Variants in PUM1 observed in about 807,000 individuals in gnomAD.
The protein encoded by PUM1 is pumilio homolog 1.
A neutral mutation model predicts 131.8 loss-of-function variants in PUM1; 13 were observed. That is an observed-to-expected ratio of 0.10 (90% confidence interval 0.06 to 0.16). PUM1 has a LOEUF of 0.16. PUM1 is among the 10% of genes least tolerant of loss of function. PUM1 has a pLI of 1.00. For missense variants in PUM1, 961 were observed against 1,512.4 expected, an observed-to-expected ratio of 0.64 and a Z score of 6.05; for synonymous variants, 509 against 556.5, an observed-to-expected ratio of 0.91 and a Z score of 1.20.
intron 7 of PUM1, among the ~76,000 whole-genome samples, chr1:30,991,273 G>A (rs1437803439): frequency 6.6e-6 from 1 of 152,028 alleles, no homozygotes; most frequent in Non-Finnish European, 1.5e-5. Context: ...GGAGAAGAGT[G>A]TACACTTTCA....
chr1:30,938,657 G>A (rs1184977265), intron 20 of PUM1, among the ~76,000 whole-genome samples: 2 of 152,198 alleles, frequency 1.3e-5, no homozygotes, highest in African/African-American at 4.8e-5. Context: ...GAGGTCAGGA[G>A]ATCGAGACCA....
chr1:30,985,407 T>C (rs1641511718), intron 7 of PUM1, among the ~76,000 whole-genome samples: 1 of 152,034 alleles, frequency 6.6e-6, no homozygotes, highest in South Asian at 2.1e-4. Context: ...AATGCTAGCA[T>C]TCTGGGAGGC....
At position 31,059,285 on chromosome 1, in the gene PUM1, C is replaced by T; in HGVS notation, c.282G>A (p.Gly94=). 6.2e-7 allele frequency: 1 copy of T among 1,614,150 alleles called. No individual in the cohort carries two copies. The highest frequency in any genetic ancestry group is 8.5e-7 in the Non-Finnish European group (1 of 1,180,022). ...AGCCGCCTCCTCCACTTCCTCCTCC[C>T]CCAAGCTGCTCACCATGCTGCCTCT... is the stretch of plus-strand genomic sequence containing the variant. ...FFQRQHGEQL[G]GGGSGGGGYN... Residue 94 remains glycine (G), a synonymous_variant, in exon 2 of 22, where the codon GGG becomes GGA. Transcript: ENST00000426105.
chr1:30,959,014 T>C (rs1013309355), intron 14 of PUM1, among the ~76,000 whole-genome samples: 6 of 152,140 alleles, frequency 3.9e-5, no homozygotes, highest in Non-Finnish European at 8.8e-5. Context: ...CTAACAAATT[T>C]GGCATTTTAG....
intron 2 of PUM1, among the ~76,000 whole-genome samples, chr1:31,051,286 T>C (rs1644103439): frequency 6.6e-6 from 1 of 151,306 alleles, no homozygotes. Flanking sequence ...GGAGTCAAAA[T>C]ATATTCATCC....
intron 16 of PUM1, among the ~76,000 whole-genome samples, chr1:30,950,526 C>G (rs188802331): frequency 7.4e-4 from 113 of 152,342 alleles, no homozygotes; most frequent in African/African-American, 2.6e-3. Flanking sequence ...ATCTGCTAAG[C>G]AAACACATAA....
intron 14 of PUM1, among the ~76,000 whole-genome samples, chr1:30,954,827 T>C (rs1422311765): frequency 6.6e-6 from 1 of 151,592 alleles, no homozygotes; most frequent in Non-Finnish European, 1.5e-5. Flanking sequence ...CTTTGGGAAG[T>C]CGAAGCAGGA....
At chr1:31,045,899 T>A (rs926623017) in intron 2 of PUM1, among the ~76,000 whole-genome samples, 1 of 151,976 alleles carries the variant, frequency 6.6e-6, no homozygotes, top group African/African-American at 2.4e-5. Flanking sequence ...CTGGTCAACA[T>A]GGCGAAACCC....
chr1:31,057,655 G>A (rs912171635), intron 2 of PUM1, among the ~76,000 whole-genome samples: 1 of 150,180 alleles, frequency 6.7e-6, no homozygotes, highest in Non-Finnish European at 1.5e-5. Flanking sequence ...AACCTGGGAG[G>A]GGGAGGTTGC....
intron 17 of PUM1, among the ~76,000 whole-genome samples, chr1:30,947,093 C>G (rs2124401939): frequency 6.6e-6 from 1 of 152,258 alleles, no homozygotes; most frequent in African/African-American, 2.4e-5. Flanking sequence ...GTGGACACCA[C>G]CATAGATGGA....
At chr1:30,997,495 CT>C (rs9286937) in intron 5 of PUM1, among the ~76,000 whole-genome samples, 2,126 of 129,772 alleles carry the variant, frequency 0.016, 50 homozygotes, top group African/African-American at 0.045. Context: ...TGAAACTCGT[CT>C]TTTTTTTTTT....
intron 2 of PUM1, among the ~76,000 whole-genome samples, chr1:31,044,303 A>G (rs958515548): frequency 6.6e-6 from 1 of 152,172 alleles, no homozygotes; most frequent in African/African-American, 2.4e-5. Context: ...CGGGAGGCTG[A>G]GGCAAGAGAA....
intron 2 of PUM1, among the ~76,000 whole-genome samples, chr1:31,048,963 T>C (rs1318625970): frequency 6.6e-6 from 1 of 152,062 alleles, no homozygotes; most frequent in Non-Finnish European, 1.5e-5. Context: ...CCTAGTACTT[T>C]GGGAGGCTGA....
chr1:30,994,395 G>C (rs1460147319), intron 6 of PUM1, among the ~76,000 whole-genome samples: 1 of 152,078 alleles, frequency 6.6e-6, no homozygotes, highest in Non-Finnish European at 1.5e-5. Flanking sequence ...GATTTTTCAA[G>C]AATATGTGCC....
intron 2 of PUM1, among the ~76,000 whole-genome samples, chr1:31,058,327 T>TA (rs1385311432): frequency 2.0e-5 from 3 of 151,750 alleles, no homozygotes; most frequent in Non-Finnish European, 2.9e-5. Context: ...ATGTCAACAG[T>TA]AAAAAAAAGA....
At chr1:31,033,112 G>A (rs1643489575) in intron 2 of PUM1, among the ~76,000 whole-genome samples, 1 of 152,014 alleles carries the variant, frequency 6.6e-6, no homozygotes, top group African/African-American at 2.4e-5. Context: ...GAAATAAAAG[G>A]TGGAAATCTA....
chr1:30,980,921 T>G (rs1265981488), intron 8 of PUM1, among the ~76,000 whole-genome samples: 2 of 152,236 alleles, frequency 1.3e-5, no homozygotes, highest in African/African-American at 4.8e-5. Context: ...GCATACTTAC[T>G]GGAAAATGGA....
At position 30,949,241 on chromosome 1, in the gene PUM1, G is replaced by A. The variant is rs1184706574; in HGVS notation, c.2856+886C>T. 1.8e-5 allele frequency: 7 copies of A among 381,162 alleles called. No homozygotes were observed. In the East Asian group the frequency reaches 5.1e-4, roughly 28 times the overall value. 23.6% of individuals were successfully genotyped at this position (381,162 alleles called of 1,614,324 possible). ...ACCCCTCAATTGAGAAGGGCTCAGTGAGTTCAGAGCCCAAAAGCTGCAGGC... is the reference window on the plus strand; with the variant it reads ...ACCCCTCAATTGAGAAGGGCTCAGTAAGTTCAGAGCCCAAAAGCTGCAGGC... On this transcript the variant is annotated intron_variant, in intron 17 of 21. Transcript: ENST00000426105.
At chr1:30,995,314 G>GTCT in intron 5 of PUM1, 94 bp from the exon 6 acceptor site, 2 of 1,328,076 alleles carry the variant, frequency 1.5e-6, no homozygotes, top group Non-Finnish European at 1.1e-6. Flanking sequence ...ATGCTACTCA[G>GTCT]AAGAGGATAG....
Sources: allele counts gnomAD v4.1 joint callset (sites outside exome capture counted in the v4.1 genomes callset), GRCh38; gene constraint gnomAD v4.1.1; transcripts MANE v1.5; gene names NCBI Gene and HGNC (gene_info 2026-07-23, HGNC 2026-07-21).